ADAM23: variants seen among roughly 807,000 people sequenced by gnomAD.
ADAM23 encodes disintegrin and metalloproteinase domain-containing protein 23.
Under a neutral mutation model 120.1 loss-of-function variants are expected in ADAM23, and 33 were observed. That is an observed-to-expected ratio of 0.27 (90% CI 0.21 to 0.37). The LOEUF (loss-of-function observed/expected upper bound fraction) is 0.37. Among genes scored for constraint, ADAM23 ranks in the 10% least tolerant of loss-of-function variants. The pLI is 1.00. For missense variants in ADAM23, 862 were observed against 1,058.2 expected (o/e 0.81, Z 2.57); for synonymous variants, 367 against 375.2 (o/e 0.98, Z 0.25).
chr2:206,551,765 T>G (rs1335071377), intron 9 of ADAM23, among the ~76,000 whole-genome samples: 1 of 152,222 alleles, frequency 6.6e-6, no homozygotes, highest in Non-Finnish European at 1.5e-5. Context: ...ATGGATGTTT[T>G]CCATTAACTA....
intron 15 of ADAM23, among the ~76,000 whole-genome samples, chr2:206,570,431 A>G (rs1449100018): frequency 1.3e-5 from 2 of 152,226 alleles, no homozygotes; most frequent in East Asian, 1.9e-4. Flanking sequence ...AGCAAATATG[A>G]AAAGTGATCT....
intron 18 of ADAM23, among the ~76,000 whole-genome samples, chr2:206,583,621 T>G (rs1215740301): frequency 6.6e-6 from 1 of 152,176 alleles, no homozygotes; most frequent in Non-Finnish European, 1.5e-5. Context: ...TTTGAACTCT[T>G]AATTTCTTTC....
At position 206,595,040 on chromosome 2, in the gene ADAM23, G is replaced by A. The variant is rs1174485272; in HGVS notation, c.2247+135G>A. The A allele has an allele frequency of 1.1e-5, 13 of 1,138,642 alleles. No homozygotes were observed. In the Admixed American group the frequency reaches 1.5e-4, roughly 13 times the overall value. The allele number at this position is 1,138,642 out of a possible 1,614,324, so 70.5% of individuals were successfully genotyped here. On this transcript the variant is annotated intron_variant, in intron 23 of 25. Transcript: ENST00000264377. ...TACTAAAAATGCAAAAAATAGCTGG[G>A]CGTGGTGGTGGGCACCTGTAGTCCC... is the stretch of plus-strand genomic sequence containing the variant.
At chr2:206,563,323 C>A (rs71429727) in intron 13 of ADAM23, among the ~76,000 whole-genome samples, 9,959 of 152,162 alleles carry the variant, frequency 0.065, 410 homozygotes, top group Middle Eastern at 0.11. Flanking sequence ...ATTTTATATT[C>A]TTTTTTTCAT....
intron 2 of ADAM23, among the ~76,000 whole-genome samples, chr2:206,455,007 C>G (rs1695267343): frequency 6.6e-6 from 1 of 152,238 alleles, no homozygotes; most frequent in Non-Finnish European, 1.5e-5. Context: ...ACTCTCTTCT[C>G]ACAGCTCCAA....
intron 3 of ADAM23, among the ~76,000 whole-genome samples, chr2:206,509,824 AAAAT>A (rs1423852619): frequency 6.6e-6 from 1 of 152,256 alleles, no homozygotes; most frequent in Non-Finnish European, 1.5e-5. Context: ...TATATAACAA[AAAAT>A]AAACTATGGT....
At chr2:206,455,916 G>T (rs1695288617) in intron 2 of ADAM23, among the ~76,000 whole-genome samples, 1 of 152,152 alleles carries the variant, frequency 6.6e-6, no homozygotes, top group Non-Finnish European at 1.5e-5. Flanking sequence ...TCTGTATGAA[G>T]TTCCAGACTT....
Position 206,466,420 on chromosome 2 carries a change from G to A in ADAM23, c.433-14812G>A, listed in dbSNP as rs139335371. On this transcript the variant is annotated intron_variant, in intron 2 of 25. Coordinates refer to ENST00000264377, the MANE Select transcript of ADAM23 (RefSeq NM_003812.4). ...ATTAAAAATGTTGATTTTAAAACCC[G>A]ATTAGTATGTTGCTTTACAATTGAC... Among the ~76,000 whole-genome samples, 48 of 152,228 alleles carry A rather than the reference G, an allele frequency of 3.2e-4. No homozygotes were observed. In the East Asian group the frequency reaches 6.4e-3, roughly 20 times the overall value.
At chr2:206,459,370 G>T (rs1044966673) in intron 2 of ADAM23, among the ~76,000 whole-genome samples, 6 of 151,884 alleles carry the variant, frequency 4.0e-5, no homozygotes, top group African/African-American at 1.5e-4. Context: ...TCTTTTATTT[G>T]GGATGTTAAT....
intron 2 of ADAM23, among the ~76,000 whole-genome samples, chr2:206,465,848 T>C (rs556108705): frequency 9.8e-5 from 15 of 152,308 alleles, no homozygotes; most frequent in African/African-American, 3.6e-4. Flanking sequence ...ATTTATATAA[T>C]GCTTCAGAAT....
chr2:206,560,367 G>A (rs940860561), intron 11 of ADAM23, among the ~76,000 whole-genome samples: 1 of 151,868 alleles, frequency 6.6e-6, no homozygotes, highest in African/African-American at 2.4e-5. Context: ...AATCTAGGAT[G>A]CCTGCTGGCC....
intron 6 of ADAM23, among the ~76,000 whole-genome samples, chr2:206,544,983 G>T (rs964984723): frequency 6.6e-6 from 1 of 152,058 alleles, no homozygotes; most frequent in Non-Finnish European, 1.5e-5. Context: ...TAGGGTGTTC[G>T]AGGAGCTTTG....
intron 3 of ADAM23, among the ~76,000 whole-genome samples, chr2:206,489,292 A>G (rs1047934830): frequency 2.6e-5 from 4 of 152,106 alleles, no homozygotes; most frequent in South Asian, 2.1e-4. Context: ...TTTTCTCTCC[A>G]ACTAGCAGCC....
At chr2:206,596,260 A>G in intron 24 of ADAM23, 98 bp downstream of exon 24, 3 of 843,996 alleles carry the variant, frequency 3.6e-6, no homozygotes, top group South Asian at 1.9e-5. Context: ...GAGGAGACAC[A>G]TAAGAATATC....
intron 2 of ADAM23, among the ~76,000 whole-genome samples, chr2:206,453,284 GA>G (rs1438436961): frequency 1.3e-5 from 2 of 152,184 alleles, no homozygotes; most frequent in Non-Finnish European, 2.9e-5. Flanking sequence ...AATCTATCAG[GA>G]ATGTGTTCTT....
intron 24 of ADAM23, among the ~76,000 whole-genome samples, chr2:206,601,501 A>G (rs570184365): frequency 6.6e-6 from 1 of 152,316 alleles, no homozygotes; most frequent in East Asian, 1.9e-4. Context: ...GGCTAGGCAC[A>G]GTGGCTCACG....
chr2:206,591,467 T>A (rs73054264), intron 21 of ADAM23, among the ~76,000 whole-genome samples: 1 of 152,370 alleles, frequency 6.6e-6, no homozygotes, highest in African/African-American at 2.4e-5. Context: ...TAGCTGTCTG[T>A]TGTTCATTTT....
At chr2:206,594,993 C>A (rs976356214) in intron 23 of ADAM23, 88 bp downstream of exon 23, 30 of 1,518,290 alleles carry the variant, frequency 2.0e-5, no homozygotes, top group Non-Finnish European at 2.6e-5. Context: ...TTCTCCTAGC[C>A]AACATGGTGA....
chr2:206,597,456 G>A (rs529275241), intron 24 of ADAM23, among the ~76,000 whole-genome samples: 176 of 152,096 alleles, frequency 1.2e-3, no homozygotes, highest in Non-Finnish European at 9.6e-4. Context: ...GTGAGCTACC[G>A]CGCCTGGCCT....
Sources: allele counts gnomAD v4.1 joint callset (sites outside exome capture counted in the v4.1 genomes callset), GRCh38; gene constraint gnomAD v4.1.1; transcripts MANE v1.5; gene names NCBI Gene and HGNC (gene_info 2026-07-23, HGNC 2026-07-21).